Variants in PLA2R1 observed in about 807,000 individuals in gnomAD.
The protein encoded by PLA2R1 is phospholipase A2 receptor 1, also known as secretory phospholipase A2 receptor.
A neutral mutation model predicts 195.9 loss-of-function variants in PLA2R1; 158 were observed. The ratio of observed to expected loss-of-function variants is 0.81; its 90% confidence interval spans 0.71 to 0.92. The LOEUF (loss-of-function observed/expected upper bound fraction) is 0.92. Among genes scored for constraint, PLA2R1 ranks in the 40% least tolerant of loss-of-function variants. The pLI is 0.00. For synonymous variants in PLA2R1, 586 were observed against 598.2 expected, an observed-to-expected ratio of 0.98 and a Z score of 0.30; for missense variants, 1,626 against 1,764.6, an observed-to-expected ratio of 0.92 and a Z score of 1.41.
chr2:160,016,749 C>T (rs769419952), intron 8 of PLA2R1, 37 bp from the exon 9 acceptor site: 15 of 962,266 alleles, frequency 1.6e-5, no homozygotes, highest in Non-Finnish European at 2.5e-5. Flanking sequence ...TGAATACACT[C>T]TGTGCTGATA....
At chr2:159,930,406 T>C (rs1180618436), downstream of PLA2R1, among the ~76,000 whole-genome samples, 2 of 114,160 alleles carry the variant, frequency 1.8e-5, no homozygotes, top group African/African-American at 6.2e-5. Context: ...AGACTCCGTC[T>C]CAAAAAAAAA....
chr2:159,967,621 T>G lies in PLA2R1; in HGVS notation c.2822A>C (p.Lys941Thr), dbSNP rs1236433513. 8.1e-6 allele frequency: 13 copies of G among 1,612,386 alleles called. No individual in the cohort carries two copies. The highest frequency in any genetic ancestry group is 1.3e-5 in the African/African-American group (1 of 74,908). The change falls in exon 20 of 30, where the codon AAG (lysine) becomes ACG (threonine). Residue 941 changes from lysine to threonine, a missense_variant. Physicochemically the swap from Lys to Thr is moderately conservative, Grantham distance 78 (BLOSUM62 -1). Coordinates refer to ENST00000283243, the MANE Select transcript of PLA2R1 (RefSeq NM_007366.5). ...TTTCTTTTTCTCTATGAGCCAAACCTTTTTTCGCTTACAGATACTAGGCAT... is the reference window on the plus strand; with the variant it reads ...TTTCTTTTTCTCTATGAGCCAAACCGTTTTTCGCTTACAGATACTAGGCAT... ...VSMPSICKRKKVWLIEKKKDT... is the reference protein window; with the variant it reads ...VSMPSICKRKTVWLIEKKKDT...
chr2:159,947,610 T>TC, intron 25 of PLA2R1, 51 bp from the exon 26 acceptor site: 2 of 1,526,628 alleles, frequency 1.3e-6, no homozygotes, highest in Non-Finnish European at 9.0e-7. Flanking sequence ...GGTTTATTTA[T>TC]TGAGATAAAT....
At chr2:159,947,682 C>T (rs1238017702) in intron 25 of PLA2R1, 123 bp from the exon 26 acceptor site, 1 of 923,426 alleles carries the variant, frequency 1.1e-6, no homozygotes, top group Admixed American at 2.3e-5. Context: ...CATGGTAATA[C>T]TCTGAAAGAT....
intron 23 of PLA2R1, among the ~76,000 whole-genome samples, chr2:159,952,361 A>G (rs1397730629): frequency 6.6e-6 from 1 of 152,194 alleles, no homozygotes; most frequent in African/African-American, 2.4e-5. Context: ...TATGTTCTAT[A>G]TGTACTAGGA....
rs1463190143 is a variant in PLA2R1 at position 159,936,454 on chromosome 2, AAATT to A, written c.*5320_*5323del. ...AATGAAATGGATATATCATAGATAAAAATTAATTAGTATTAAAAACTGCTAGTAT... is the reference window on the plus strand; with the variant it reads ...AATGAAATGGATATATCATAGATAAAAATTAGTATTAAAAACTGCTAGTAT... On this transcript the variant is annotated 3_prime_UTR_variant, in exon 30 of 30. Coordinates refer to ENST00000283243, the MANE Select transcript of PLA2R1 (RefSeq NM_007366.5). The A allele has an allele frequency of 6.6e-6, 1 of 152,256 alleles. No individual in the cohort carries two copies. The highest frequency in any genetic ancestry group is 1.5e-5 in the Non-Finnish European group (1 of 68,038). The allele number at this position is 152,256 out of a possible 1,614,324, so 9.4% of individuals were successfully genotyped here. A position where few individuals can be genotyped will look rare whatever the true frequency, so the allele number is the denominator to read the frequency against.
chr2:160,005,654 G>C lies in PLA2R1; in HGVS notation c.1832C>G (p.Pro611Arg). 1 of 1,613,056 alleles carries C rather than the reference G, an allele frequency of 6.2e-7. No individual in the cohort carries two copies. The highest frequency in any genetic ancestry group is 8.5e-7 in the Non-Finnish European group (1 of 1,179,314). Reference sequence around the variant, plus strand: ...GTGATGCAGCACACTCTACTCACGCGGCTGGTGTGTGTTCCAGTGTGTGTA... The same window carrying C: ...GTGATGCAGCACACTCTACTCACGCCGCTGGTGTGTGTTCCAGTGTGTGTA... ...VQYTHWNTHQPRYSGGCVAMR... is the reference protein window; with the variant it reads ...VQYTHWNTHQRRYSGGCVAMR... Residue 611 changes from proline (P) to arginine (R), a missense_variant and splice_region_variant, in exon 11 of 30, where the codon CCG becomes CGG. Pro to Arg is a moderately radical substitution (Grantham distance 103, BLOSUM62 -2). Coordinates refer to ENST00000283243, the MANE Select transcript of PLA2R1 (RefSeq NM_007366.5).
intron 6 of PLA2R1, among the ~76,000 whole-genome samples, chr2:160,023,215 G>A (rs768127431): frequency 6.6e-6 from 1 of 152,104 alleles, no homozygotes; most frequent in Non-Finnish European, 1.5e-5. Context: ...GTAAAATAAG[G>A]CTGAGACCTA....
At chr2:159,946,073 G>C (rs982063318) in intron 27 of PLA2R1, 8 of 961,410 alleles carry the variant, frequency 8.3e-6, no homozygotes, top group African/African-American at 5.3e-5. Flanking sequence ...ATGTACCAAG[G>C]GGGTAGGGGC....
chr2:159,959,627 C>T (rs77061846), intron 20 of PLA2R1, among the ~76,000 whole-genome samples: 2,209 of 152,218 alleles, frequency 0.015, 42 homozygotes, highest in African/African-American at 0.051. Context: ...GTCTCAAAAT[C>T]ATTTCTAGCT....
chr2:160,037,738 T>C (rs1249094772), intron 3 of PLA2R1, among the ~76,000 whole-genome samples: 6 of 152,232 alleles, frequency 3.9e-5, no homozygotes, highest in Non-Finnish European at 8.8e-5. Flanking sequence ...TTCCCCACTT[T>C]CCATTTTGAC....
chr2:160,002,590 C>T (rs953960478), intron 11 of PLA2R1, among the ~76,000 whole-genome samples: 2 of 151,952 alleles, frequency 1.3e-5, no homozygotes, highest in Non-Finnish European at 1.5e-5. Flanking sequence ...GTACCTGCAA[C>T]ATAGGCAGCA....
At chr2:160,032,928 C>T (rs1392286064) in intron 4 of PLA2R1, 31 bp downstream of exon 4, 1 of 1,413,564 alleles carries the variant, frequency 7.1e-7, no homozygotes, top group Admixed American at 1.8e-5. Context: ...TTTATTGTAT[C>T]AATATCAATG....
At chr2:159,979,357 G>T (rs142070795) in intron 14 of PLA2R1, among the ~76,000 whole-genome samples, 1 of 152,130 alleles carries the variant, frequency 6.6e-6, no homozygotes, top group African/African-American at 2.4e-5. Flanking sequence ...GGAATAACTT[G>T]CTCTAGAAGG....
intron 1 of PLA2R1, among the ~76,000 whole-genome samples, chr2:160,045,786 G>A (rs1013328779): frequency 2.6e-5 from 4 of 152,214 alleles, no homozygotes; most frequent in Non-Finnish European, 5.9e-5. Flanking sequence ...GAGATGGCTT[G>A]CTGGGTGGGG....
At chr2:160,018,860 C>T (rs951003049) in intron 8 of PLA2R1, among the ~76,000 whole-genome samples, 1 of 152,214 alleles carries the variant, frequency 6.6e-6, no homozygotes, top group African/African-American at 2.4e-5. Context: ...CTTAGAAATG[C>T]TTCCTGTTTT....
At chr2:160,012,328 A>G (rs1378833545) in intron 10 of PLA2R1, among the ~76,000 whole-genome samples, 5 of 152,048 alleles carry the variant, frequency 3.3e-5, no homozygotes, top group African/African-American at 1.2e-4. Context: ...TCCAGCCCCC[A>G]CTGTCCTCCT....
chr2:159,944,239 T>C (rs1436688800), intron 28 of PLA2R1, among the ~76,000 whole-genome samples: 1 of 152,180 alleles, frequency 6.6e-6, no homozygotes, highest in Non-Finnish European at 1.5e-5. Context: ...TATAATTCTC[T>C]TCATCCTTTG....
At chr2:160,046,424 C>T (rs1694879166) in intron 1 of PLA2R1, among the ~76,000 whole-genome samples, 1 of 152,178 alleles carries the variant, frequency 6.6e-6, no homozygotes, top group South Asian at 2.1e-4. Context: ...AGAACAGGTA[C>T]AGGCAGAGGC....
Sources: allele counts gnomAD v4.1 joint callset (sites outside exome capture counted in the v4.1 genomes callset), GRCh38; gene constraint gnomAD v4.1.1; transcripts MANE v1.5; gene names NCBI Gene and HGNC (gene_info 2026-07-23, HGNC 2026-07-21).